The following FBXO47 variants were observed in gnomAD, a reference collection of about 807,000 sequenced individuals.
FBXO47 encodes F-box protein 47, also known as F-box only protein 47.
A neutral mutation model predicts 53.9 loss-of-function variants in FBXO47; 34 were observed. That is an observed-to-expected ratio of 0.63 (90% CI 0.48 to 0.84). The LOEUF is 0.84. Ranked by LOEUF, FBXO47 falls within the 40% of genes least tolerant of loss-of-function variation. The pLI, the probability that FBXO47 is intolerant of heterozygous loss-of-function variation, is 0.00. For synonymous variants in FBXO47, 165 were observed against 181.6 expected (o/e 0.91, Z 0.73); for missense variants, 485 against 541.3 (o/e 0.90, Z 1.03).
intron 9 of FBXO47, among the ~76,000 whole-genome samples, chr17:38,939,407 CATTT>C (rs990049806): frequency 3.2e-5 from 4 of 125,038 alleles, no homozygotes; most frequent in African/African-American, 1.2e-4. Context: ...ATTCAATAAA[CATTT>C]ATTGAGCACC....
chr17:38,952,278 C>A (rs556642233), intron 5 of FBXO47, among the ~76,000 whole-genome samples: 3 of 151,442 alleles, frequency 2.0e-5, no homozygotes, highest in Non-Finnish European at 2.9e-5. Context: ...GCCAAGATTG[C>A]GCCACTGCAC....
At chr17:38,941,093 T>TC (rs1904485002) in intron 9 of FBXO47, among the ~76,000 whole-genome samples, 1 of 151,834 alleles carries the variant, frequency 6.6e-6, no homozygotes, top group Non-Finnish European at 1.5e-5. Flanking sequence ...CAAGTGATCT[T>TC]CCCACTTCAG....
chr17:38,938,762 C>A, intron 9 of FBXO47, 30 bp from the exon 10 acceptor site: 1 of 1,505,708 alleles, frequency 6.6e-7, no homozygotes, highest in East Asian at 2.3e-5. Flanking sequence ...CGCTATAAAC[C>A]TTCATGTGAA....
At chr17:38,965,835 A>G (rs1321477653) in intron 1 of FBXO47, among the ~76,000 whole-genome samples, 2 of 150,178 alleles carry the variant, frequency 1.3e-5, no homozygotes, top group Non-Finnish European at 3.0e-5. Flanking sequence ...GTGAGCCGAG[A>G]TCACACCACT....
At chr17:38,963,146 T>G in intron 1 of FBXO47, 95 bp from the exon 2 acceptor site, 1 of 718,672 alleles carries the variant, frequency 1.4e-6, no homozygotes, top group Admixed American at 2.6e-5. Context: ...GATAGTACGA[T>G]ATGCAATAGC....
chr17:38,939,821 C>T (rs1285442857), intron 9 of FBXO47, among the ~76,000 whole-genome samples: 2 of 150,258 alleles, frequency 1.3e-5, no homozygotes, highest in South Asian at 2.1e-4. Context: ...GCGCCCGCCA[C>T]CGCGCCCGGC....
At chr17:38,937,670 TTTA>T (rs1169252580) in intron 10 of FBXO47, among the ~76,000 whole-genome samples, 5 of 152,012 alleles carry the variant, frequency 3.3e-5, no homozygotes, top group African/African-American at 4.8e-5. Flanking sequence ...TATTTATTTA[TTTA>T]TTATTATTTT....
chr17:38,953,277 C>T (rs555060538), intron 5 of FBXO47, among the ~76,000 whole-genome samples: 57 of 151,664 alleles, frequency 3.8e-4, no homozygotes, highest in African/African-American at 1.1e-3. Context: ...TGAAATCACG[C>T]GACTGTACTC....
chr17:38,944,191 A>ATATGTGTG, intron 7 of FBXO47, among the ~76,000 whole-genome samples: 2 of 133,704 alleles, frequency 1.5e-5, no homozygotes, highest in Middle Eastern at 3.6e-3. Context: ...CAAAAAAAAC[A>ATATGTGTG]TGTGTGTGTG....
chr17:38,954,805 G>A, intron 5 of FBXO47, 51 bp downstream of exon 5: 3 of 1,027,186 alleles, frequency 2.9e-6, no homozygotes, highest in Non-Finnish European at 4.4e-6. Flanking sequence ...TATTCTATTT[G>A]TTATCAGTTC....
chr17:38,957,597 A>G (rs1455471932), intron 3 of FBXO47, among the ~76,000 whole-genome samples: 1 of 152,178 alleles, frequency 6.6e-6, no homozygotes, highest in East Asian at 1.9e-4. Flanking sequence ...TCCACAGAAA[A>G]CAGATTTCAA....
intron 4 of FBXO47, among the ~76,000 whole-genome samples, 183 bp downstream of exon 4, chr17:38,956,994 A>T (rs1905585634): frequency 6.6e-6 from 1 of 152,212 alleles, no homozygotes; most frequent in South Asian, 2.1e-4. Context: ...CAAGTGAAAG[A>T]TTACTACATT....
chr17:38,953,168 A>ACACAC (rs1567719883), intron 5 of FBXO47, among the ~76,000 whole-genome samples: 40 of 112,926 alleles, frequency 3.5e-4, no homozygotes, highest in African/African-American at 1.5e-3. Context: ...CACACACACA[A>ACACAC]AATAGCTAGG....
chr17:38,961,466 T>C (rs889127867), intron 3 of FBXO47, among the ~76,000 whole-genome samples: 10 of 152,222 alleles, frequency 6.6e-5, no homozygotes, highest in Non-Finnish European at 1.3e-4. Flanking sequence ...TAGTTTCTGC[T>C]GAGAGGATAA....
intron 3 of FBXO47, 47 bp downstream of exon 3, chr17:38,961,826 CTTAA>C (rs779901604): frequency 1.3e-6 from 2 of 1,506,028 alleles, no homozygotes; most frequent in Non-Finnish European, 9.1e-7. Context: ...CTAAGTTTCT[CTTAA>C]TTAAGCACAG....
chr17:38,960,266 C>CAA (rs533646620), intron 3 of FBXO47, among the ~76,000 whole-genome samples: 1 of 139,396 alleles, frequency 7.2e-6, no homozygotes, highest in African/African-American at 2.6e-5. Context: ...GATCCCATCT[C>CAA]AAAAAAAAAA....
Position 38,954,889 on chromosome 17 carries a change from A to G in FBXO47, c.474T>C (p.Cys158=). ...KFNGCAAPMQ[C]LGLTCYGMFL... The stretch of plus-strand genomic sequence containing the variant: ...ACATGCCATAACATGTTAATCCTAA[A>G]CACTGCATAGGAGCTGCACAGCCAT... The change falls in exon 5 of 11, where the codon TGT becomes TGC. Residue 158 remains cysteine (C), a synonymous_variant. Transcript: ENST00000378079. 6.2e-7 allele frequency: 1 copy of G among 1,610,662 alleles called. No homozygotes were observed.
chr17:38,945,331 C>T (rs1326321370), intron 6 of FBXO47, among the ~76,000 whole-genome samples, 195 bp from the exon 7 acceptor site: 1 of 152,098 alleles, frequency 6.6e-6, no homozygotes, highest in Non-Finnish European at 1.5e-5. Flanking sequence ...CTTACTTTTA[C>T]CTTCCTGATT....
intron 3 of FBXO47, among the ~76,000 whole-genome samples, chr17:38,959,038 GACT>G (rs1442960042): frequency 1.3e-5 from 2 of 151,770 alleles, no homozygotes; most frequent in Non-Finnish European, 2.9e-5. Flanking sequence ...GAGTATCTGG[GACT>G]ACAGGCATGT....
Sources: gnomAD v4.1 joint callset for allele counts (sites outside exome capture counted in the v4.1 genomes callset) on GRCh38, gnomAD v4.1.1 for gene constraint, MANE v1.5 for transcripts, NCBI Gene and HGNC (gene_info 2026-07-23, HGNC 2026-07-21) for gene names.